Variants in HS6ST2 observed in about 807,000 individuals in gnomAD.
HS6ST2 encodes the protein heparan-sulfate 6-O-sulfotransferase 2.
HS6ST2 carries 17 observed loss-of-function variants against 33.0 expected under a neutral mutation model. The ratio of observed to expected loss-of-function variants is 0.52; its 90% CI spans 0.35 to 0.77. The LOEUF is 0.77. Among genes scored for constraint, HS6ST2 ranks in the 30% least tolerant of loss-of-function variants. The pLI is 0.01. For missense variants in HS6ST2, 519 were observed against 551.7 expected, an observed-to-expected ratio of 0.94 and a Z score of 0.59; for synonymous variants, 248 against 237.1, an observed-to-expected ratio of 1.05 and a Z score of -0.42.
upstream of HS6ST2, chrX:132,958,667 C>T: frequency 5.9e-6 from 6 of 1,014,908 alleles, no homozygotes; most frequent in Non-Finnish European, 7.9e-6. Context: ...ATAATAATGC[C>T]TCACGCCTAA....
intron 2 of HS6ST2, among the ~76,000 whole-genome samples, chrX:132,724,949 A>T (rs949868733): frequency 1.8e-5 from 2 of 112,124 alleles, no homozygotes; most frequent in Non-Finnish European, 3.8e-5. Flanking sequence ...GAATATCCAT[A>T]TGCAAAAGAA....
At chrX:132,871,536 C>T (rs752991706) in intron 2 of HS6ST2, among the ~76,000 whole-genome samples, 2 of 111,897 alleles carry the variant, frequency 1.8e-5, no homozygotes, top group South Asian at 3.8e-4. Context: ...AACCCAAATG[C>T]CCATCAATGA....
intron 2 of HS6ST2, among the ~76,000 whole-genome samples, chrX:132,887,163 A>T: frequency 9.0e-6 from 1 of 110,868 alleles, no homozygotes; most frequent in Non-Finnish European, 1.9e-5. Context: ...AGATGAAAAA[A>T]GGTAACCAAT....
chrX:132,658,277 C>A (rs1471581409), intron 4 of HS6ST2, among the ~76,000 whole-genome samples: 1 of 111,336 alleles, frequency 9.0e-6, no homozygotes, highest in East Asian at 2.8e-4. Flanking sequence ...TGGAGTAGTT[C>A]TCAGGATTAA....
chrX:132,850,891 T>C (rs2065795432), intron 2 of HS6ST2, among the ~76,000 whole-genome samples: 1 of 111,840 alleles, frequency 8.9e-6, no homozygotes, highest in Non-Finnish European at 1.9e-5. Flanking sequence ...ATGTTGAACA[T>C]CAGTTTACCT....
At chrX:132,717,845 A>G (rs2148260596) in intron 2 of HS6ST2, among the ~76,000 whole-genome samples, 1 of 112,179 alleles carries the variant, frequency 8.9e-6, no homozygotes, top group Admixed American at 9.4e-5. Context: ...ATGAAGGTGT[A>G]GCACCATTGT....
chrX:132,758,922 C>A (rs1361407886), intron 2 of HS6ST2, among the ~76,000 whole-genome samples: 1 of 110,867 alleles, frequency 9.0e-6, no homozygotes, highest in Non-Finnish European at 1.9e-5. Flanking sequence ...TATAAACCAT[C>A]CCCGTGCAAA....
chrX:132,687,924 T>C (rs1175984879), intron 3 of HS6ST2, among the ~76,000 whole-genome samples: 1 of 111,327 alleles, frequency 9.0e-6, no homozygotes, highest in African/African-American at 3.3e-5. Flanking sequence ...AATTTTTGTA[T>C]TTTTAGTAGA....
intron 2 of HS6ST2, among the ~76,000 whole-genome samples, chrX:132,947,235 A>ATGTGTGTG (rs1480002773): frequency 9.2e-6 from 1 of 108,466 alleles, no homozygotes; most frequent in Admixed American, 1.0e-4. Flanking sequence ...GTGTGCGTGT[A>ATGTGTGTG]TGTGTGTGTA....
chrX:132,931,042 G>A (rs369218055), intron 2 of HS6ST2, among the ~76,000 whole-genome samples: 11 of 111,457 alleles, frequency 9.9e-5, no homozygotes, highest in Non-Finnish European at 1.3e-4. Flanking sequence ...CAACCATACC[G>A]GTGAAAATTC....
chrX:132,683,999 C>A (rs1027492814), intron 3 of HS6ST2, among the ~76,000 whole-genome samples: 1 of 110,034 alleles, frequency 9.1e-6, no homozygotes, highest in Non-Finnish European at 1.9e-5. Context: ...TCTTAAAGAG[C>A]AAGATTACTG....
intron 2 of HS6ST2, among the ~76,000 whole-genome samples, chrX:132,739,781 T>G (rs7885744): frequency 9.0e-6 from 1 of 110,985 alleles, no homozygotes; most frequent in Non-Finnish European, 1.9e-5. Flanking sequence ...CTGAGAGAAT[T>G]TTTTAAAAAA....
intron 2 of HS6ST2, among the ~76,000 whole-genome samples, chrX:132,833,501 A>G (rs1475003490): frequency 1.8e-5 from 2 of 111,720 alleles, no homozygotes; most frequent in East Asian, 5.6e-4. Context: ...GTGTCCTGAT[A>G]TCTTCCTGAT....
At chrX:132,763,857 C>T (rs749700161) in intron 2 of HS6ST2, among the ~76,000 whole-genome samples, 18 of 112,393 alleles carry the variant, frequency 1.6e-4, no homozygotes, top group Middle Eastern at 4.6e-3. Context: ...ACAATCAATA[C>T]GTTTGGATTT....
chrX:132,828,705 C>T (rs867692813), intron 2 of HS6ST2, among the ~76,000 whole-genome samples: 36,540 of 78,590 alleles, frequency 0.46, 8,963 homozygotes, highest in African/African-American at 0.63. Context: ...CACACACACA[C>T]ACACACACAC....
intron 2 of HS6ST2, among the ~76,000 whole-genome samples, chrX:132,897,734 T>A (rs1476599838): frequency 9.0e-6 from 1 of 111,500 alleles, no homozygotes; most frequent in East Asian, 2.8e-4. Context: ...ATGCTGATGT[T>A]CACCACCTCC....
chrX:132,698,746 A>G (rs1328281463), intron 3 of HS6ST2, among the ~76,000 whole-genome samples: 21 of 111,486 alleles, frequency 1.9e-4, no homozygotes, highest in Non-Finnish European at 3.2e-4. Context: ...TCCCCTATCT[A>G]GCACTCCACT....
intron 2 of HS6ST2, among the ~76,000 whole-genome samples, chrX:132,911,803 AATT>A: frequency 1.8e-5 from 2 of 110,214 alleles, no homozygotes; most frequent in African/African-American, 6.6e-5. Context: ...ACGCCTGGCT[AATT>A]TTTTGTATTT....
At position 132,652,598 on chromosome X, in the gene HS6ST2, T is replaced by C. The variant is rs752780275; in HGVS notation, c.1067+16515A>G. ...ATGCCAAAAATACAGGGAAAACATA[T>C]TTACTCCTTAAAGTTTGCTGAATTT... On this transcript the variant is annotated intron_variant, in intron 4 of 4. Transcript: ENST00000370833. Among the ~76,000 whole-genome samples, 8 of 111,658 alleles carry C rather than the reference T, an allele frequency of 7.2e-5. No homozygotes were observed. The South Asian group carries it at 3.0e-3, about 42-fold the overall frequency.
Sources: gnomAD v4.1 joint callset for allele counts (sites outside exome capture counted in the v4.1 genomes callset) on GRCh38, gnomAD v4.1.1 for gene constraint, MANE v1.5 for transcripts, NCBI Gene and HGNC (gene_info 2026-07-23, HGNC 2026-07-21) for gene names.